LHFPL6: variants seen among roughly 807,000 people sequenced by gnomAD.
The protein encoded by LHFPL6 is LHFPL tetraspan subfamily member 6 protein.
LHFPL6 carries 9 observed loss-of-function variants against 20.6 expected under a neutral mutation model. The ratio of observed to expected loss-of-function variants is 0.44; its 90% CI spans 0.26 to 0.76. The LOEUF (loss-of-function observed/expected upper bound fraction) is 0.76, where lower values mean the gene tolerates loss of function less well. Among genes scored for constraint, LHFPL6 ranks in the 30% least tolerant of loss-of-function variants. LHFPL6 has a pLI of 0.20. For missense variants in LHFPL6, 218 were observed against 253.5 expected (o/e 0.86, Z 0.95); for synonymous variants, 105 against 98.7 (o/e 1.06, Z -0.38).
intron 2 of LHFPL6, among the ~76,000 whole-genome samples, chr13:39,579,450 C>A (rs1364406545): frequency 6.6e-6 from 1 of 152,146 alleles, no homozygotes; most frequent in African/African-American, 2.4e-5. Context: ...CATTAAGTAA[C>A]TCTCTTATAG....
In LHFPL6 at chr13:39,601,009, G is replaced by GC; in HGVS notation, c.207dup (p.Arg70AlafsTer77). ...GGGATGCCCTGGAAGGAGGCATAGC[G>GC]CCCACATTCCTCCACCATCACCATC... is the stretch of plus-strand genomic sequence containing the variant. On this transcript the variant is annotated frameshift_variant, in exon 2 of 4. Transcript: ENST00000379589. LOFTEE classifies it high-confidence loss of function. The GC allele has an allele frequency of 6.2e-7, 1 of 1,614,050 alleles. No homozygotes were observed. Among genetic ancestry groups the GC allele is most frequent in the Middle Eastern group, 1.7e-4 (1 of 6,060 alleles).
At chr13:39,457,811 T>C (rs2182781) in intron 2 of LHFPL6, among the ~76,000 whole-genome samples, 84,062 of 152,036 alleles carry the variant, frequency 0.55, 24,448 homozygotes, top group East Asian at 0.9. Flanking sequence ...ATAAATATAC[T>C]TTAATAATAA....
intron 2 of LHFPL6, among the ~76,000 whole-genome samples, chr13:39,548,023 G>A (rs1181412216): frequency 6.6e-6 from 1 of 152,078 alleles, no homozygotes; most frequent in Non-Finnish European, 1.5e-5. Flanking sequence ...GTAAAACTCA[G>A]TGGGACCACA....
At chr13:39,502,259 C>A (rs1022481199) in intron 2 of LHFPL6, among the ~76,000 whole-genome samples, 19 of 152,148 alleles carry the variant, frequency 1.2e-4, no homozygotes, top group African/African-American at 4.6e-4. Context: ...TCAGATTTTT[C>A]AAAAAATCAG....
At chr13:39,483,232 AT>A (rs75212663) in intron 2 of LHFPL6, among the ~76,000 whole-genome samples, 33,537 of 151,942 alleles carry the variant, frequency 0.22, 5,751 homozygotes, top group East Asian at 0.71. Context: ...AAAGAGGAAA[AT>A]TTTTTTGTGG....
chr13:39,395,984 A>G (rs1382215689), intron 2 of LHFPL6, among the ~76,000 whole-genome samples: 1 of 152,206 alleles, frequency 6.6e-6, no homozygotes, highest in Non-Finnish European at 1.5e-5. Context: ...TAAACAGACT[A>G]TTTTCACAAT....
chr13:39,590,550 C>T (rs1174108151), intron 2 of LHFPL6, among the ~76,000 whole-genome samples: 1 of 152,196 alleles, frequency 6.6e-6, no homozygotes, highest in African/African-American at 2.4e-5. Context: ...TGAGTTGCTG[C>T]TTTTATTCTT....
intron 2 of LHFPL6, among the ~76,000 whole-genome samples, chr13:39,414,721 C>G (rs1049598334): frequency 1.3e-5 from 2 of 152,168 alleles, no homozygotes; most frequent in African/African-American, 2.4e-5. Flanking sequence ...GGATAGAAGG[C>G]ATGATAACAC....
chr13:39,517,234 G>T (rs1414463840), intron 2 of LHFPL6, among the ~76,000 whole-genome samples: 1 of 152,094 alleles, frequency 6.6e-6, no homozygotes, highest in Non-Finnish European at 1.5e-5. Context: ...TTTGCTGATT[G>T]GAAAGAAAAG....
intron 2 of LHFPL6, among the ~76,000 whole-genome samples, chr13:39,548,045 C>T (rs1311564746): frequency 6.6e-6 from 1 of 151,924 alleles, no homozygotes; most frequent in Non-Finnish European, 1.5e-5. Context: ...TGTTCTACGT[C>T]AAAGACAAAA....
intron 2 of LHFPL6, among the ~76,000 whole-genome samples, chr13:39,382,219 G>A (rs1870455267): frequency 6.6e-6 from 1 of 152,042 alleles, no homozygotes; most frequent in African/African-American, 2.4e-5. Flanking sequence ...AAAGTCCTAT[G>A]GTAAATTTTA....
chr13:39,469,784 G>C (rs1872898895), intron 2 of LHFPL6, among the ~76,000 whole-genome samples: 1 of 152,172 alleles, frequency 6.6e-6, no homozygotes, highest in South Asian at 2.1e-4. Context: ...AGCATTTGCT[G>C]AACATCTGCT....
At chr13:39,513,778 A>G (rs531176876) in intron 2 of LHFPL6, among the ~76,000 whole-genome samples, 2 of 152,370 alleles carry the variant, frequency 1.3e-5, no homozygotes, top group Admixed American at 1.3e-4. Flanking sequence ...AGATCCAAAC[A>G]CAGGCCTTTA....
chr13:39,454,807 AT>A (rs1872531652), intron 2 of LHFPL6, among the ~76,000 whole-genome samples: 2 of 152,162 alleles, frequency 1.3e-5, no homozygotes, highest in Non-Finnish European at 2.9e-5. Context: ...CATATTCATC[AT>A]TTTTGTCTTC....
At chr13:39,352,972 C>CACATATATATATAT (rs1555257725) in intron 3 of LHFPL6, among the ~76,000 whole-genome samples, 1 of 69,134 alleles carries the variant, frequency 1.4e-5, no homozygotes, top group Non-Finnish European at 2.5e-5. Flanking sequence ...CACACACACA[C>CACATATATATATAT]ATATATATAT....
chr13:39,390,699 A>G (rs1870685043), intron 2 of LHFPL6, among the ~76,000 whole-genome samples: 1 of 152,170 alleles, frequency 6.6e-6, no homozygotes, highest in East Asian at 1.9e-4. Context: ...AAACTTTTTA[A>G]AAATCCAATC....
intron 2 of LHFPL6, among the ~76,000 whole-genome samples, chr13:39,566,046 TG>T (rs1300339411): frequency 2.0e-5 from 3 of 152,132 alleles, no homozygotes; most frequent in African/African-American, 7.2e-5. Context: ...CTCAAACAAA[TG>T]AAGAAAGGAC....
In LHFPL6 at chr13:39,370,224, C is replaced by T. The variant is rs539694020; in HGVS notation, c.484+8204G>A. Among the ~76,000 whole-genome samples the T allele has an allele frequency of 3.9e-5, 6 of 152,210 alleles. No homozygotes were observed. The East Asian group carries it at 9.7e-4, about 25-fold the overall frequency. On this transcript the variant is annotated intron_variant, in intron 3 of 3. Coordinates refer to ENST00000379589, the MANE Select transcript of LHFPL6 (RefSeq NM_005780.3). ...TGGGCTCCCTTGGACGCGGAAGTTT[C>T]CCTGCATCATTTGGAGCCAAGTTCC... is the stretch of plus-strand genomic sequence containing the variant.
chr13:39,558,725 T>C (rs1871382402), intron 2 of LHFPL6, among the ~76,000 whole-genome samples: 1 of 152,202 alleles, frequency 6.6e-6, no homozygotes, highest in African/African-American at 2.4e-5. Flanking sequence ...AGAAATGCTA[T>C]AGAGAGGAGA....
Sources: gnomAD v4.1 joint callset for allele counts (sites outside exome capture counted in the v4.1 genomes callset) on GRCh38, gnomAD v4.1.1 for gene constraint, MANE v1.5 for transcripts, NCBI Gene and HGNC (gene_info 2026-07-23, HGNC 2026-07-21) for gene names.